The following TMEM278 variants were observed in gnomAD, a reference collection of about 807,000 sequenced individuals.
TMEM278 encodes the protein transmembrane protein 278.
At chr1:1,427,923 C>G in the TMEM278 span, 1 of 753,248 alleles carries the variant, frequency 1.3e-6, no homozygotes. Flanking sequence ...GCTTACGACC[C>G]CGGCCTCCCC....
chr1:1,429,409 AT>A, the TMEM278 span, among the ~76,000 whole-genome samples: 3 of 151,490 alleles, frequency 2.0e-5, no homozygotes, highest in African/African-American at 7.3e-5. Flanking sequence ...GATTTGTCTG[AT>A]TTTTTTTATG....
the TMEM278 span, among the ~76,000 whole-genome samples, chr1:1,430,238 T>C: frequency 6.6e-6 from 1 of 152,232 alleles, no homozygotes; most frequent in Admixed American, 6.5e-5. Context: ...ATTAAAAATG[T>C]ACGCTCATAG....
chr1:1,427,199 G>A, the TMEM278 span, among the ~76,000 whole-genome samples: 1 of 144,354 alleles, frequency 6.9e-6, no homozygotes, highest in Non-Finnish European at 1.5e-5. Flanking sequence ...CTTTGCCGTG[G>A]CCCTGCATCC....
At chr1:1,426,322 CT>C in the TMEM278 span, 1 of 1,472,198 alleles carries the variant, frequency 6.8e-7, no homozygotes, top group Non-Finnish European at 9.0e-7. Context: ...CCGCCGCAGC[CT>C]TCCTGCTGGT....
At chr1:1,429,884 C>CAA in the TMEM278 span, among the ~76,000 whole-genome samples, 11 of 152,198 alleles carry the variant, frequency 7.2e-5, no homozygotes, top group African/African-American at 2.7e-4. Context: ...TACTTAGAGA[C>CAA]AGAGTCTTGC....
the TMEM278 span, chr1:1,427,707 CCT>C: frequency 4.5e-6 from 6 of 1,324,536 alleles, no homozygotes; most frequent in Non-Finnish European, 4.8e-6. Context: ...CCCGCTGCTG[CCT>C]CCGCCCGCTG....
At chr1:1,428,723 A>T in the TMEM278 span, among the ~76,000 whole-genome samples, 2 of 152,124 alleles carry the variant, frequency 1.3e-5, no homozygotes, top group Non-Finnish European at 2.9e-5. Flanking sequence ...TATCCAGGCC[A>T]GGCACGGTGG....
chr1:1,426,203 CG>C, the TMEM278 span: 1 of 1,415,586 alleles, frequency 7.1e-7, no homozygotes. Context: ...CATGCTGCCC[CG>C]GGGACCTCCC....
At chr1:1,428,169 A>G in the TMEM278 span, among the ~76,000 whole-genome samples, 95 of 62,366 alleles carry the variant, frequency 1.5e-3, 2 homozygotes, top group African/African-American at 5.3e-3. Context: ...TGAGGGAAAG[A>G]GAGGAGAGGG....
chr1:1,427,454 C>G, the TMEM278 span: 1,854 of 7,404 alleles, frequency 0.25, 4 homozygotes, highest in Middle Eastern at 0.31. Context: ...CCCTTCCCCT[C>G]CATCACCCTG....
chr1:1,426,337 C>G, the TMEM278 span: 1 of 1,451,628 alleles, frequency 6.9e-7, no homozygotes, highest in Non-Finnish European at 9.1e-7. Context: ...TGCTGGTGCT[C>G]CTGCCCGCGG....
the TMEM278 span, chr1:1,426,035 G>A: frequency 1.1e-5 from 14 of 1,265,988 alleles, no homozygotes; most frequent in African/African-American, 4.7e-5. Flanking sequence ...TGGCTGCAAC[G>A]TGGGGCGGGG....
the TMEM278 span, chr1:1,426,140 G>T: frequency 7.1e-7 from 1 of 1,410,346 alleles, no homozygotes; most frequent in Non-Finnish European, 9.3e-7. Context: ...GAGTGAGCAG[G>T]GGAGGGAGAC....
chr1:1,428,182 G>A, the TMEM278 span, among the ~76,000 whole-genome samples: 2 of 141,284 alleles, frequency 1.4e-5, no homozygotes, highest in Non-Finnish European at 3.1e-5. Flanking sequence ...GGAGAGGGGA[G>A]GGGAAGAGAG....
chr1:1,426,449 C>G, the TMEM278 span: 2 of 1,263,600 alleles, frequency 1.6e-6, no homozygotes, highest in African/African-American at 3.2e-5. Context: ...TGCCCTGGGT[C>G]TGAAGGCACT....
At chr1:1,427,801 G>A in the TMEM278 span, 25 of 1,379,780 alleles carry the variant, frequency 1.8e-5, 1 homozygote, top group South Asian at 3.6e-4. Context: ...GGCGGCCGCT[G>A]CGAAACCCCG....
At chr1:1,427,619 C>T in the TMEM278 span, 3 of 1,322,710 alleles carry the variant, frequency 2.3e-6, no homozygotes, top group East Asian at 6.6e-5. Context: ...CGGCGCTCAT[C>T]GTGTTCGGGC....
the TMEM278 span, among the ~76,000 whole-genome samples, chr1:1,428,847 G>A: frequency 6.6e-6 from 1 of 152,088 alleles, no homozygotes; most frequent in Admixed American, 6.6e-5. Context: ...AAAAAATACA[G>A]AAATTAGCTG....
the TMEM278 span, chr1:1,427,504 C>G: frequency 1.8e-6 from 1 of 541,558 alleles, no homozygotes; most frequent in East Asian, 5.0e-5. Context: ...CTGCCCCCAG[C>G]CCTCCATTAC....
Sources: gnomAD v4.1 joint callset for allele counts (sites outside exome capture counted in the v4.1 genomes callset) on GRCh38, gnomAD v4.1.1 for gene constraint, MANE v1.5 for transcripts, NCBI Gene and HGNC (gene_info 2026-07-23, HGNC 2026-07-21) for gene names.